GFI1: variants seen among roughly 807,000 people sequenced by gnomAD.
GFI1 encodes growth factor independent 1 transcriptional repressor, also known as zinc finger protein Gfi-1.
GFI1 carries 15 observed loss-of-function variants against 39.2 expected under a neutral mutation model. The observed-to-expected ratio is 0.38, with a 90% CI of 0.26 to 0.59. The LOEUF is 0.59. Among genes scored for constraint, GFI1 ranks in the 20% least tolerant of loss-of-function variants. GFI1 has a pLI of 0.62. For synonymous variants in GFI1, 239 were observed against 254.3 expected, an observed-to-expected ratio of 0.94 and a Z score of 0.57; for missense variants, 475 against 574.0, an observed-to-expected ratio of 0.83 and a Z score of 1.76.
Position 92,473,776 on chromosome 1 carries a change from C to G in GFI1, c.*2253G>C, listed in dbSNP as rs1657829749. On this transcript the variant is annotated 3_prime_UTR_variant, in exon 7 of 7. Coordinates refer to ENST00000294702, the MANE Select transcript of GFI1 (RefSeq NM_005263.5). ...GCCAGGCCCTAGGATGAAGCAGGAG[C>G]TTATTTTCTGTTTATTCACTTAACA... 6.6e-6 allele frequency among the ~76,000 whole-genome samples: 1 copy of G among 152,166 alleles called. No individual in the cohort carries two copies. Among genetic ancestry groups the G allele is most frequent in the African/African-American group, 2.4e-5 (1 of 41,424 alleles).
chr1:92,485,457 G>A (rs1472612283), intron 1 of GFI1, among the ~76,000 whole-genome samples: 2 of 152,172 alleles, frequency 1.3e-5, no homozygotes, highest in African/African-American at 4.8e-5. Context: ...CGCCACCAGA[G>A]ACCAGGCGGA....
chr1:92,477,577 C>T (rs948678521), intron 6 of GFI1, among the ~76,000 whole-genome samples: 1 of 152,184 alleles, frequency 6.6e-6, no homozygotes, highest in African/African-American at 2.4e-5. Flanking sequence ...CCCACCCGCA[C>T]ATAAAGTGTT....
rs766980817 is a variant in GFI1 at position 92,478,765 on chromosome 1, G to T, written c.925-12C>A. On this transcript the variant is annotated splice_polypyrimidine_tract_variant and intron_variant, in intron 5 of 6. Coordinates refer to ENST00000294702, the MANE Select transcript of GFI1 (RefSeq NM_005263.5). ...TCAAAGCTCCGTTCCTGCAGAGAGA[G>T]AGAGAGAGAGAGAGAGAGAGAGAGA... The T allele has an allele frequency of 8.1e-7, 1 of 1,235,494 alleles. No individual in the cohort carries two copies. Among genetic ancestry groups the T allele is most frequent in the Non-Finnish European group, 1.1e-6 (1 of 885,738 alleles). The allele number at this position is 1,235,494 out of a possible 1,614,324, so 76.5% of individuals were successfully genotyped here.
intron 2 of GFI1, 45 bp downstream of exon 2, chr1:92,483,328 G>A (rs149059364): frequency 9.4e-7 from 1 of 1,059,250 alleles, no homozygotes; most frequent in Non-Finnish European, 1.5e-6. Context: ...AGGTGCAGTA[G>A]GCATCCGGGG....
intron 1 of GFI1, among the ~76,000 whole-genome samples, chr1:92,485,477 C>A (rs1658485752): frequency 6.6e-6 from 1 of 152,176 alleles, no homozygotes; most frequent in African/African-American, 2.4e-5. Flanking sequence ...ACGCGGAGGC[C>A]GCCTCCCCAC....
intron 5 of GFI1, among the ~76,000 whole-genome samples, chr1:92,479,852 GAAAAGAAAAGAA>G (rs781200554): frequency 2.7e-4 from 41 of 151,782 alleles, no homozygotes; most frequent in South Asian, 2.3e-3. Context: ...GACTCTGAAA[GAAAAGAAAAGAA>G]AAAAGAAAAG....
chr1:92,476,103 C>G lies in GFI1; in HGVS notation c.1195G>C (p.Asp399His). 6.2e-7 allele frequency: 1 copy of G among 1,614,060 alleles called. No individual in the cohort carries two copies. The highest frequency in any genetic ancestry group is 8.5e-7 in the Non-Finnish European group (1 of 1,179,994). ...CTCTGGAAACCCTTCCCACAGAGGT[C>G]GCAGCCGAAGGGCTTGAAGCCTGTG... is the stretch of plus-strand genomic sequence containing the variant. ...KHTGFKPFGC[D>H]LCGKGFQRKV... The change falls in exon 7 of 7, where the codon GAC (aspartate) becomes CAC (histidine). Residue 399 changes from aspartate to histidine, a missense_variant. Physicochemically the swap from Asp to His is moderately conservative, Grantham distance 81. Coordinates refer to ENST00000294702, the MANE Select transcript of GFI1 (RefSeq NM_005263.5).
rs1031840831 is a variant in GFI1, at chr1:92,484,446, C to CA, written c.-99-861dup. 1.3e-5 allele frequency: 2 copies of CA among 152,250 alleles called. No individual in the cohort carries two copies. The highest frequency in any genetic ancestry group is 2.9e-5 in the Non-Finnish European group (2 of 68,116). The allele number at this position is 152,250 out of a possible 1,614,324, so 9.4% of individuals were successfully genotyped here. On this transcript the variant is annotated intron_variant, in intron 1 of 6. Coordinates refer to ENST00000294702, the MANE Select transcript of GFI1 (RefSeq NM_005263.5). The surrounding 1 kb of genome is among the most constrained non-coding windows in gnomAD (Gnocchi z 4.1). ...AAAAAGCACTTTCCGTTCTGCTCAC[C>CA]AAAAAATCTTGTCCTAGGGAGGTGG... is the stretch of plus-strand genomic sequence containing the variant.
In GFI1 at chr1:92,475,965, T is replaced by C; in HGVS notation, c.*64A>G. On this transcript the variant is annotated 3_prime_UTR_variant, in exon 7 of 7. Transcript: ENST00000294702. ...TGGAGGCAAGCAGGGAGCAGAGTGG[T>C]GGCAAGCAGGGAGGCTGCCCTCTGT... 6.8e-7 allele frequency: 1 copy of C among 1,473,118 alleles called. No individual in the cohort carries two copies. The highest frequency in any genetic ancestry group is 2.3e-5 in the East Asian group (1 of 43,688). The allele number at this position is 1,473,118 out of a possible 1,614,324, so 91.3% of individuals were successfully genotyped here.
chr1:92,481,752 T>C lies in GFI1; in HGVS notation c.299-664A>G, dbSNP rs558370889. 6.6e-6 allele frequency among the ~76,000 whole-genome samples: 1 copy of C among 152,284 alleles called. No homozygotes were observed. The highest frequency in any genetic ancestry group is 1.9e-4 in the East Asian group (1 of 5,174). ...TAAATTGACAGCCAAATACTCCCCA[T>C]TCCTGTTACAGTTTGATGGAGGCGG... On this transcript the variant is annotated intron_variant, in intron 3 of 6. Transcript: ENST00000294702. This position sits in a 1 kb window ranked among gnomAD's most constrained non-coding sequence, Gnocchi z 4.3.
At chr1:92,485,395 G>C (rs997990709) in intron 1 of GFI1, among the ~76,000 whole-genome samples, 2 of 152,214 alleles carry the variant, frequency 1.3e-5, no homozygotes, top group Admixed American at 1.3e-4. Context: ...GGCTGGGAGC[G>C]GGACAGATGG....
chr1:92,479,550 A>G (rs1054041324), intron 5 of GFI1, among the ~76,000 whole-genome samples: 2 of 152,174 alleles, frequency 1.3e-5, no homozygotes, highest in African/African-American at 4.8e-5. Flanking sequence ...TTATTAATGA[A>G]TGAATGAATA....
Position 92,478,585 on chromosome 1 carries a change from C to T in GFI1, c.1090+3G>A. On this transcript the variant is annotated splice_donor_region_variant and intron_variant, in intron 6 of 6. Transcript: ENST00000294702. ...CTACAAGCCAAGGGCCTTTTTAGCT[C>T]ACCAGTGTGGATGAAAGTGTGTTTC... The T allele has an allele frequency of 6.2e-7, 1 of 1,613,746 alleles. No individual in the cohort carries two copies. The highest frequency in any genetic ancestry group is 8.5e-7 in the Non-Finnish European group (1 of 1,179,696).
In GFI1 at chr1:92,481,281, A is replaced by G. The variant is rs1037118230; in HGVS notation, c.299-193T>C. 2.0e-5 allele frequency among the ~76,000 whole-genome samples: 3 copies of G among 152,214 alleles called. No individual in the cohort carries two copies. The highest frequency in any genetic ancestry group is 2.9e-5 in the Non-Finnish European group (2 of 68,018). ...GCCCTGGGGCCTCGCAGGCCACTATAGGAGGCAGAACAGTAAACAGATCAT... is the reference window on the plus strand; with the variant it reads ...GCCCTGGGGCCTCGCAGGCCACTATGGGAGGCAGAACAGTAAACAGATCAT... On this transcript the variant is annotated intron_variant, in intron 3 of 6. Coordinates refer to ENST00000294702, the MANE Select transcript of GFI1 (RefSeq NM_005263.5). The surrounding 1 kb of genome is among the most constrained non-coding windows in gnomAD (Gnocchi z 4.3).
intron 6 of GFI1, among the ~76,000 whole-genome samples, chr1:92,477,243 C>A (rs1318292887): frequency 1.3e-5 from 2 of 152,124 alleles, no homozygotes; most frequent in African/African-American, 4.8e-5. Flanking sequence ...CTAGGTATAA[C>A]GTAAATGTTT....
chr1:92,483,667 G>A, intron 1 of GFI1, 81 bp from the exon 2 acceptor site: 1 of 661,936 alleles, frequency 1.5e-6, no homozygotes, highest in Non-Finnish European at 2.8e-6. Context: ...CGGAGGGAGA[G>A]CGCGGGCCAG....
intron 6 of GFI1, among the ~76,000 whole-genome samples, chr1:92,476,765 T>A (rs1409558816): frequency 6.7e-6 from 1 of 149,602 alleles, no homozygotes; most frequent in African/African-American, 2.5e-5. Flanking sequence ...TCTTTATTTC[T>A]CTCTCTCTCT....
At position 92,480,732 on chromosome 1, in the gene GFI1, C is replaced by G. The variant is rs775161065; in HGVS notation, c.655G>C (p.Gly219Arg). The G allele has an allele frequency of 6.3e-7, 1 of 1,598,928 alleles. No homozygotes were observed. Among genetic ancestry groups the G allele is most frequent in the South Asian group, 1.1e-5 (1 of 89,974 alleles). The part of the protein sequence containing the change: ...GLYERPTAAA[G>R]LLYPERGHGL... The stretch of plus-strand genomic sequence containing the variant: ...TGGCCACGCTCGGGGTACAGCAAGC[C>G]CGCCGCTGCCGTGGGCCTCTCATAC... The change falls in exon 4 of 7, where the codon GGC becomes CGC. Residue 219 changes from glycine to arginine, a missense_variant. Physicochemically the swap from Gly to Arg is moderately radical, Grantham distance 125. Transcript: ENST00000294702. The surrounding 1 kb of genome is among the most constrained non-coding windows in gnomAD (Gnocchi z 5.6).
Position 92,483,512 on chromosome 1 carries a change from C to A in GFI1, c.-25G>T, listed in dbSNP as rs1658386932. The A allele has an allele frequency of 2.2e-6, 3 of 1,387,602 alleles. No individual in the cohort carries two copies. The highest frequency in any genetic ancestry group is 2.4e-5 in the East Asian group (1 of 42,308). The allele number at this position is 1,387,602 out of a possible 1,614,324, so 86.0% of individuals were successfully genotyped here. A position where few individuals can be genotyped will look rare whatever the true frequency, so the allele number is the denominator to read the frequency against. On this transcript the variant is annotated 5_prime_UTR_variant, in exon 2 of 7. Transcript: ENST00000294702. ...TGGTGGTCCGGCACTTTCCCCACTG[C>A]GCCCCAAGAGTCCCTGGAGCCGCTG...
Sources: gnomAD v4.1 joint callset for allele counts (sites outside exome capture counted in the v4.1 genomes callset) on GRCh38, gnomAD v4.1.1 for gene constraint, Gnocchi (gnomAD v3.1) non-coding constraint, MANE v1.5 for transcripts, NCBI Gene and HGNC (gene_info 2026-07-23, HGNC 2026-07-21) for gene names.